The following KMT2C variants were observed in gnomAD, a reference collection of about 807,000 sequenced individuals.
The protein encoded by KMT2C is lysine methyltransferase 2C.
In KMT2C, 88 loss-of-function variants were observed where a neutral mutation model predicts 507.9. The ratio of observed to expected loss-of-function variants is 0.17; its 90% CI spans 0.15 to 0.21. KMT2C has a LOEUF of 0.21. KMT2C is among the 10% of genes least tolerant of loss of function. The pLI, the probability that KMT2C is intolerant of heterozygous loss-of-function variation, is 1.00. For missense variants in KMT2C, 4,954 were observed against 5,957.8 expected, an observed-to-expected ratio of 0.83 and a Z score of 5.55; for synonymous variants, 2,049 against 2,080.8, an observed-to-expected ratio of 0.98 and a Z score of 0.42.
chr7:152,410,924 G>T (rs900688259), intron 1 of KMT2C, among the ~76,000 whole-genome samples: 1 of 151,516 alleles, frequency 6.6e-6, no homozygotes, highest in Non-Finnish European at 1.5e-5. Context: ...GGATCACTGG[G>T]GTTGGAAGGT....
chr7:152,232,863 T>G (rs531488870), intron 16 of KMT2C, among the ~76,000 whole-genome samples: 1 of 152,278 alleles, frequency 6.6e-6, no homozygotes, highest in East Asian at 1.9e-4. Flanking sequence ...TATATAATTA[T>G]GGAAATGGCT....
chr7:152,215,708 C>A (rs1226759104), intron 23 of KMT2C, among the ~76,000 whole-genome samples: 2 of 134,716 alleles, frequency 1.5e-5, no homozygotes, highest in African/African-American at 6.7e-5. Context: ...CATACACACA[C>A]AAAATATATA....
rs768161811 is a variant in KMT2C, at chr7:152,262,984, G to A, written c.1299+32C>T. 21 of 1,511,178 alleles carry A rather than the reference G, an allele frequency of 1.4e-5. No homozygotes were observed. In the East Asian group the frequency reaches 4.3e-4, roughly 31 times the overall value. 93.6% of individuals were successfully genotyped at this position (1,511,178 alleles called of 1,614,324 possible). On this transcript the variant is annotated intron_variant, in intron 9 of 58. Coordinates refer to ENST00000262189, the MANE Select transcript of KMT2C (RefSeq NM_170606.3). ...TGGTCTCCATATAAAACATAGAGAGGATTTAAAAAAATAAATAAATAAACA... is the reference window on the plus strand; with the variant it reads ...TGGTCTCCATATAAAACATAGAGAGAATTTAAAAAAATAAATAAATAAACA...
intron 3 of KMT2C, among the ~76,000 whole-genome samples, chr7:152,319,111 G>A (rs921932784): frequency 6.6e-6 from 1 of 152,142 alleles, no homozygotes; most frequent in Non-Finnish European, 1.5e-5. Context: ...ATTACCTTCA[G>A]GCTATGTGTA....
intron 6 of KMT2C, among the ~76,000 whole-genome samples, chr7:152,278,074 G>A (rs1239661937): frequency 1.3e-5 from 2 of 152,088 alleles, no homozygotes; most frequent in Non-Finnish European, 2.9e-5. Context: ...CAATGTTGGA[G>A]GTGGGGCCTT....
intron 41 of KMT2C, among the ~76,000 whole-genome samples, chr7:152,168,213 A>C (rs1222475457): frequency 6.6e-6 from 1 of 152,198 alleles, no homozygotes; most frequent in Non-Finnish European, 1.5e-5. Context: ...CTACAAGACA[A>C]AGAAATGAAT....
chr7:152,361,387 C>T (rs945208721), intron 1 of KMT2C, among the ~76,000 whole-genome samples: 2 of 151,920 alleles, frequency 1.3e-5, no homozygotes, highest in African/African-American at 2.4e-5. Context: ...GGTGAAACCC[C>T]GTCTCTACTA....
rs1057518278 is a variant in KMT2C at position 152,163,361 on chromosome 7, C to T, written c.10216G>A (p.Glu3406Lys). The T allele has an allele frequency of 1.2e-6, 2 of 1,614,206 alleles. No homozygotes were observed. Among genetic ancestry groups the T allele is most frequent in the Non-Finnish European group, 1.7e-6 (2 of 1,180,044 alleles). Residue 3406 changes from glutamate to lysine, a missense_variant, in exon 43 of 59, where the codon GAA becomes AAA. Coordinates refer to ENST00000262189, the MANE Select transcript of KMT2C (RefSeq NM_170606.3). ...TGGATCCGTTGTCTCTCTTGCTGTT[C>T]TCGTAAACGTTCCTTACGTTCCCGT... ...QERERKERLR[E>K]QQERQRIQLM...
At chr7:152,325,352 T>C (rs555910732) in intron 3 of KMT2C, among the ~76,000 whole-genome samples, 1 of 151,908 alleles carries the variant, frequency 6.6e-6, no homozygotes, top group African/African-American at 2.4e-5. Context: ...TTTCACCATG[T>C]TGGCCAGGCT....
intron 26 of KMT2C, 47 bp downstream of exon 26, chr7:152,202,887 T>C: frequency 7.1e-7 from 1 of 1,402,636 alleles, no homozygotes; most frequent in Non-Finnish European, 9.8e-7. Flanking sequence ...TACATTTTAT[T>C]TCCTCAATTA....
intron 2 of KMT2C, among the ~76,000 whole-genome samples, chr7:152,343,109 C>T (rs1381465293): frequency 6.6e-6 from 1 of 151,720 alleles, no homozygotes; most frequent in Non-Finnish European, 1.5e-5. Flanking sequence ...ACAAGGTATA[C>T]TAAAAAGCAA....
chr7:152,388,166 T>A (rs928855616), intron 1 of KMT2C, among the ~76,000 whole-genome samples: 3 of 152,182 alleles, frequency 2.0e-5, no homozygotes, highest in African/African-American at 7.2e-5. Flanking sequence ...TATATAAATA[T>A]ATATAATTTC....
At chr7:152,306,866 T>C (rs1177607697) in intron 6 of KMT2C, among the ~76,000 whole-genome samples, 1 of 152,156 alleles carries the variant, frequency 6.6e-6, no homozygotes, top group African/African-American at 2.4e-5. Context: ...TAATGAAGAA[T>C]AATGAACAAA....
chr7:152,399,789 A>C (rs2116599613), intron 1 of KMT2C, among the ~76,000 whole-genome samples: 1 of 152,316 alleles, frequency 6.6e-6, no homozygotes, highest in East Asian at 1.9e-4. Context: ...AAGATTATTA[A>C]TCCATAAAAT....
rs544361215 is a variant in KMT2C, at chr7:152,320,344, G to A, written c.390-5006C>T. Among the ~76,000 whole-genome samples, 36 of 152,226 alleles carry A rather than the reference G, an allele frequency of 2.4e-4. 1 individual carries two copies. Among genetic ancestry groups the A allele is most frequent in the Admixed American group, 1.2e-3 (19 of 15,294 alleles). On this transcript the variant is annotated intron_variant, in intron 3 of 58. Coordinates refer to ENST00000262189, the MANE Select transcript of KMT2C (RefSeq NM_170606.3). ...GCTCACTGTAACCTCCACCTCCTGG[G>A]TTCAAGCAATTCTCCTGCCTCAGCC...
chr7:152,196,937 G>A (rs1362397854), intron 27 of KMT2C, among the ~76,000 whole-genome samples: 1 of 152,152 alleles, frequency 6.6e-6, no homozygotes, highest in Non-Finnish European at 1.5e-5. Flanking sequence ...GGCAGCTAGG[G>A]CAAGATTATG....
chr7:152,136,965 G>A lies in KMT2C; in HGVS notation c.14644-41C>T, dbSNP rs765590829. On this transcript the variant is annotated intron_variant, in intron 58 of 58. Coordinates refer to ENST00000262189, the MANE Select transcript of KMT2C (RefSeq NM_170606.3). ...ACACAGGGTAAGAAAGGACAGCAAG[G>A]AAGGCAATAGCGTTTCTGCCTCCAT... 10 of 1,468,822 alleles carry A rather than the reference G, an allele frequency of 6.8e-6. No individual in the cohort carries two copies. The East Asian group carries it at 2.0e-4, about 30-fold the overall frequency. 91.0% of individuals were successfully genotyped at this position (1,468,822 alleles called of 1,614,324 possible).
intron 1 of KMT2C, among the ~76,000 whole-genome samples, chr7:152,372,783 C>G (rs888053559): frequency 6.6e-6 from 1 of 152,120 alleles, no homozygotes; most frequent in Admixed American, 6.6e-5. Flanking sequence ...TTAAATACCC[C>G]ACTTTCGACA....
intron 14 of KMT2C, among the ~76,000 whole-genome samples, chr7:152,243,508 G>T (rs542148630): frequency 3.9e-5 from 6 of 152,168 alleles, no homozygotes; most frequent in Non-Finnish European, 7.4e-5. Context: ...TAGGCTGGGC[G>T]TGGTGGCTCA....
Sources: gnomAD v4.1 joint callset for allele counts (sites outside exome capture counted in the v4.1 genomes callset) on GRCh38, gnomAD v4.1.1 for gene constraint, MANE v1.5 for transcripts, NCBI Gene and HGNC (gene_info 2026-07-23, HGNC 2026-07-21) for gene names.